LINGO2: variants seen among roughly 807,000 people sequenced by gnomAD.
LINGO2 encodes the protein leucine rich repeat and Ig domain containing 2, also known as leucine-rich repeat and immunoglobulin-like domain-containing nogo receptor-interacting protein 2.
A neutral mutation model predicts 30.6 loss-of-function variants in LINGO2; 14 were observed. That is an observed-to-expected ratio of 0.46 (90% CI 0.30 to 0.72). The LOEUF is 0.72. Among genes scored for constraint, LINGO2 ranks in the 30% least tolerant of loss-of-function variants. LINGO2 has a pLI of 0.07. For missense variants in LINGO2, 729 were observed against 751.7 expected, an observed-to-expected ratio of 0.97 and a Z score of 0.35; for synonymous variants, 317 against 288.5, an observed-to-expected ratio of 1.10 and a Z score of -1.00.
the LINGO2 span, among the ~76,000 whole-genome samples, chr9:29,118,607 C>T: frequency 0.24 from 37,083 of 151,968 alleles, 4,708 homozygotes; most frequent in East Asian, 0.44. Flanking sequence ...CAAGGCCTGG[C>T]GGTGGGCTCC....
At chr9:27,938,895 C>A in the LINGO2 span, 1 of 152,178 alleles carries the variant, frequency 6.6e-6, no homozygotes, top group East Asian at 1.9e-4. Flanking sequence ...TTTTCTGTAT[C>A]TTTTAAAACA....
intron 1 of LINGO2, among the ~76,000 whole-genome samples, chr9:28,648,925 C>G (rs1230841916): frequency 6.6e-6 from 1 of 151,898 alleles, no homozygotes; most frequent in Non-Finnish European, 1.5e-5. Context: ...TGGTAGGGGG[C>G]GGTAAAGAGA....
intron 4 of LINGO2, among the ~76,000 whole-genome samples, chr9:28,092,114 C>T (rs977793583): frequency 1.1e-4 from 17 of 152,124 alleles, no homozygotes; most frequent in Admixed American, 9.8e-4. Flanking sequence ...TAAACTGGTT[C>T]AACCACTGTG....
At chr9:28,624,302 T>C (rs10968688) in intron 1 of LINGO2, among the ~76,000 whole-genome samples, 17,237 of 152,134 alleles carry the variant, frequency 0.11, 1,122 homozygotes, top group African/African-American at 0.16. Flanking sequence ...TGATACTAGC[T>C]GTGCATCTGT....
At chr9:28,183,764 A>G (rs1819442981) in intron 4 of LINGO2, among the ~76,000 whole-genome samples, 1 of 152,218 alleles carries the variant, frequency 6.6e-6, no homozygotes, top group Non-Finnish European at 1.5e-5. Flanking sequence ...AAATTAAGAC[A>G]TCTGTAGGCA....
At chr9:28,096,312 T>G (rs1277756819) in intron 4 of LINGO2, among the ~76,000 whole-genome samples, 5 of 152,224 alleles carry the variant, frequency 3.3e-5, no homozygotes, top group Admixed American at 3.3e-4. Flanking sequence ...TCATTAATAA[T>G]GCATTAGACA....
chr9:28,865,113 G>A, the LINGO2 span, among the ~76,000 whole-genome samples: 1 of 152,088 alleles, frequency 6.6e-6, no homozygotes, highest in Non-Finnish European at 1.5e-5. Flanking sequence ...GTTCTAAGCA[G>A]AAGAGAACAC....
the LINGO2 span, among the ~76,000 whole-genome samples, chr9:29,148,627 A>G: frequency 6.6e-6 from 1 of 152,186 alleles, no homozygotes. Flanking sequence ...TTCAATTCCA[A>G]GATGAAAAAC....
At chr9:29,046,949 C>T in the LINGO2 span, among the ~76,000 whole-genome samples, 36 of 62,574 alleles carry the variant, frequency 5.8e-4, no homozygotes, top group Admixed American at 4.1e-3. Flanking sequence ...CGTGGTGGCA[C>T]GCTCCTGTAG....
At chr9:29,155,360 A>T in the LINGO2 span, among the ~76,000 whole-genome samples, 1 of 152,100 alleles carries the variant, frequency 6.6e-6, no homozygotes, top group Admixed American at 6.6e-5. Context: ...TATGTACATG[A>T]ATGATAGATC....
At chr9:28,400,481 G>C (rs1229693673) in intron 2 of LINGO2, among the ~76,000 whole-genome samples, 1 of 152,190 alleles carries the variant, frequency 6.6e-6, no homozygotes, top group East Asian at 1.9e-4. Context: ...CTACCCAAAA[G>C]ACCTAGTTGT....
At chr9:28,040,315 C>T (rs1037125429) in intron 4 of LINGO2, among the ~76,000 whole-genome samples, 1 of 151,900 alleles carries the variant, frequency 6.6e-6, no homozygotes, top group Non-Finnish European at 1.5e-5. Flanking sequence ...GCCTTCACTA[C>T]TAAAAATAAG....
the LINGO2 span, among the ~76,000 whole-genome samples, chr9:29,011,765 T>C: frequency 6.6e-6 from 1 of 152,204 alleles, no homozygotes; most frequent in African/African-American, 2.4e-5. Flanking sequence ...AGTATTTTAC[T>C]AGTCATTAAC....
chr9:28,355,100 C>G (rs1820115073), intron 3 of LINGO2, among the ~76,000 whole-genome samples: 2 of 152,108 alleles, frequency 1.3e-5, no homozygotes, highest in African/African-American at 4.8e-5. Context: ...TAACTTTAGT[C>G]CACAGAACAT....
chr9:28,031,288 G>T, intron 4 of LINGO2, among the ~76,000 whole-genome samples: 1 of 150,168 alleles, frequency 6.7e-6, no homozygotes, highest in East Asian at 2.0e-4. Flanking sequence ...CATCCACCAT[G>T]TTTAACCTTG....
chr9:29,019,984 C>T, the LINGO2 span, among the ~76,000 whole-genome samples: 5 of 151,934 alleles, frequency 3.3e-5, no homozygotes, highest in African/African-American at 1.2e-4. Flanking sequence ...TTTCAGCAAC[C>T]TATATAAAAG....
At chr9:28,120,204 A>C (rs1403582048) in intron 4 of LINGO2, among the ~76,000 whole-genome samples, 3 of 152,210 alleles carry the variant, frequency 2.0e-5, no homozygotes, top group Non-Finnish European at 2.9e-5. Flanking sequence ...GCACAAAAAG[A>C]TTGGGAAAAC....
chr9:28,245,605 C>T (rs1473257626), intron 4 of LINGO2, among the ~76,000 whole-genome samples: 2 of 152,162 alleles, frequency 1.3e-5, no homozygotes, highest in Non-Finnish European at 2.9e-5. Flanking sequence ...TCTCAGGATA[C>T]AAAATCAATG....
At chr9:28,303,603 C>T (rs967992534) in intron 3 of LINGO2, among the ~76,000 whole-genome samples, 3 of 152,082 alleles carry the variant, frequency 2.0e-5, no homozygotes, top group South Asian at 2.1e-4. Flanking sequence ...AGTAGATTAA[C>T]ACGTGTTTTG....
Sources: gnomAD v4.1 joint callset for allele counts (sites outside exome capture counted in the v4.1 genomes callset) on GRCh38, gnomAD v4.1.1 for gene constraint, MANE v1.5 for transcripts, NCBI Gene and HGNC (gene_info 2026-07-23, HGNC 2026-07-21) for gene names.